Variants in GRIP1 observed in about 807,000 individuals in gnomAD.
The protein encoded by GRIP1 is glutamate receptor-interacting protein 1.
GRIP1 carries 45 observed loss-of-function variants against 129.9 expected under a neutral mutation model. The ratio of observed to expected loss-of-function variants is 0.35; its 90% CI spans 0.27 to 0.44. GRIP1 has a LOEUF of 0.44. GRIP1 is among the 20% of genes least tolerant of loss of function. GRIP1 has a pLI of 1.00. For missense variants in GRIP1, 1,196 were observed against 1,396.8 expected, an observed-to-expected ratio of 0.86 and a Z score of 2.29; for synonymous variants, 530 against 520.8, an observed-to-expected ratio of 1.02 and a Z score of -0.24.
intron 2 of GRIP1, among the ~76,000 whole-genome samples, chr12:66,545,140 ACTTTTTC>A (rs1418980631): frequency 6.6e-6 from 1 of 152,146 alleles, no homozygotes; most frequent in Non-Finnish European, 1.5e-5. Context: ...TCTGAATTTG[ACTTTTTC>A]CTTAATCACC....
intron 7 of GRIP1, among the ~76,000 whole-genome samples, chr12:66,506,334 C>A (rs922818110): frequency 5.3e-5 from 8 of 152,124 alleles, no homozygotes; most frequent in African/African-American, 1.9e-4. Flanking sequence ...TCTATTCACA[C>A]AATGGAATAC....
chr12:66,358,229 C>A (rs2054585213), intron 23 of GRIP1, among the ~76,000 whole-genome samples: 1 of 152,084 alleles, frequency 6.6e-6, no homozygotes, highest in Admixed American at 6.5e-5. Context: ...CATTATTATT[C>A]TTTTGGATGC....
chr12:67,037,724 G>C (rs980081646), intron 1 of GRIP1, among the ~76,000 whole-genome samples: 2 of 151,914 alleles, frequency 1.3e-5, no homozygotes, highest in Admixed American at 1.3e-4. Context: ...ATTTGTCATG[G>C]GTTATAACCA....
At chr12:66,850,852 C>A (rs1419670848) in intron 1 of GRIP1, among the ~76,000 whole-genome samples, 1 of 151,320 alleles carries the variant, frequency 6.6e-6, no homozygotes, top group Non-Finnish European at 1.5e-5. Flanking sequence ...ATGAATGTGA[C>A]CTCTCTCCTG....
At chr12:66,434,354 C>A (rs2058238565) in intron 13 of GRIP1, among the ~76,000 whole-genome samples, 5 of 152,154 alleles carry the variant, frequency 3.3e-5, no homozygotes, top group Admixed American at 3.3e-4. Flanking sequence ...CCTCCCTCGA[C>A]CAAGTGAGTG....
intron 1 of GRIP1, among the ~76,000 whole-genome samples, chr12:66,700,247 T>C (rs550046376): frequency 6.6e-6 from 1 of 152,064 alleles, no homozygotes; most frequent in South Asian, 2.1e-4. Flanking sequence ...TGAGGCATGG[T>C]GTGATGTATG....
At chr12:66,590,144 T>A (rs190601705) in intron 2 of GRIP1, among the ~76,000 whole-genome samples, 1 of 152,298 alleles carries the variant, frequency 6.6e-6, no homozygotes, top group Non-Finnish European at 1.5e-5. Context: ...CACATGTACC[T>A]GGAGCACAAC....
rs1383006672 is a variant in GRIP1, at chr12:66,445,411, C to G, written c.1452G>C (p.Gly484=). The change falls in exon 12 of 25, where the codon GGG becomes GGC. Residue 484 remains glycine, a synonymous_variant. Coordinates refer to ENST00000359742, the MANE Select transcript of GRIP1 (RefSeq NM_001366722.1). ...CAAACACACTGCCCTGCAGTTGGAT[C>G]CCAAATCCTGTGACAGGATCTGCCG... ...VLTADPVTGF[G]IQLQGSVFAT... The G allele has an allele frequency of 6.2e-7, 1 of 1,614,130 alleles. No homozygotes were observed. Among genetic ancestry groups the G allele is most frequent in the East Asian group, 2.2e-5 (1 of 44,884 alleles).
intron 1 of GRIP1, among the ~76,000 whole-genome samples, chr12:66,726,284 A>T (rs1010021813): frequency 2.0e-5 from 3 of 152,232 alleles, no homozygotes; most frequent in African/African-American, 7.2e-5. Context: ...ATGAATAAAG[A>T]TCAAACTATT....
At position 66,456,311 on chromosome 12, in the gene GRIP1, G is replaced by A; in HGVS notation, c.1074C>T (p.Thr358=). 6 of 1,289,564 alleles carry A rather than the reference G, an allele frequency of 4.7e-6. No homozygotes were observed. The highest frequency in any genetic ancestry group is 6.1e-6 in the Non-Finnish European group (6 of 988,516). The allele number at this position is 1,289,564 out of a possible 1,614,324, so 79.9% of individuals were successfully genotyped here. Residue 358 remains threonine, a synonymous_variant, in exon 10 of 25, where the codon ACC becomes ACT. Coordinates refer to ENST00000359742, the MANE Select transcript of GRIP1 (RefSeq NM_001366722.1). ...VKIQRSDRQL[T]WDSWASNHSS... is the part of the protein sequence containing the mutation. ...TGTGGTTGCTGGCCCAGGAATCCCA[G>A]GTAAGTTGCCTGTCGCTCCTCTGAA...
chr12:67,037,393 AT>A (rs2135798728), intron 1 of GRIP1: 1 of 149,388 alleles, frequency 6.7e-6, no homozygotes, highest in African/African-American at 2.4e-5. Flanking sequence ...ACATAATGTA[AT>A]CTTCCTTTGG....
Position 66,465,324 on chromosome 12 carries a change from T to C in GRIP1, c.823A>G (p.Lys275Glu), listed in dbSNP as rs2059256929. 6.2e-7 allele frequency: 1 copy of C among 1,614,008 alleles called. No homozygotes were observed. The highest frequency in any genetic ancestry group is 8.5e-7 in the Non-Finnish European group (1 of 1,179,848). Residue 275 changes from lysine (K) to glutamate (E), a missense_variant, in exon 8 of 25, where the codon AAA becomes GAA. Coordinates refer to ENST00000359742, the MANE Select transcript of GRIP1 (RefSeq NM_001366722.1). ...ATTTTGTCTATGACAATGACTTGTT[T>C]GTTACAGCACATCGAGGTAGTTAGG... Reference protein sequence around the residue: ...VALTTSMCCNKQVIVIDKIKS... With the variant: ...VALTTSMCCNEQVIVIDKIKS...
chr12:66,943,792 A>C (rs924358037), intron 1 of GRIP1, among the ~76,000 whole-genome samples: 2 of 152,210 alleles, frequency 1.3e-5, no homozygotes, highest in African/African-American at 4.8e-5. Context: ...GTAACTAAGA[A>C]TGTACTAAAA....
chr12:66,883,829 G>A (rs971530232), intron 1 of GRIP1, among the ~76,000 whole-genome samples: 1 of 152,194 alleles, frequency 6.6e-6, no homozygotes, highest in African/African-American at 2.4e-5. Context: ...TGGGACCTTG[G>A]TCAAGTTGTT....
At chr12:66,935,848 G>T (rs1220112973) in intron 1 of GRIP1, among the ~76,000 whole-genome samples, 1 of 152,162 alleles carries the variant, frequency 6.6e-6, no homozygotes, top group South Asian at 2.1e-4. Context: ...TATGGCTGCT[G>T]GGATTGGCCA....
chr12:66,587,799 C>T (rs912083374), intron 2 of GRIP1, among the ~76,000 whole-genome samples: 2 of 152,226 alleles, frequency 1.3e-5, no homozygotes, highest in South Asian at 2.1e-4. Flanking sequence ...GTTTACATTC[C>T]GTGCAGAAGG....
At chr12:66,701,211 C>A (rs2035340193) in intron 1 of GRIP1, among the ~76,000 whole-genome samples, 1 of 152,158 alleles carries the variant, frequency 6.6e-6, no homozygotes, top group Non-Finnish European at 1.5e-5. Context: ...CCAAAGTGTT[C>A]TTCTGGGACT....
chr12:66,392,646 C>T, intron 18 of GRIP1, 31 bp downstream of exon 18: 2 of 1,613,044 alleles, frequency 1.2e-6, no homozygotes, highest in Admixed American at 1.7e-5. Flanking sequence ...CACTGGAAAT[C>T]CTTAATTGTG....
At chr12:67,021,009 G>T (rs1592477148) in intron 1 of GRIP1, among the ~76,000 whole-genome samples, 1 of 152,112 alleles carries the variant, frequency 6.6e-6, no homozygotes, top group East Asian at 2.0e-4. Context: ...GAAAGAGGAA[G>T]ATTGCTTCAG....
Sources: gnomAD v4.1 joint callset for allele counts (sites outside exome capture counted in the v4.1 genomes callset) on GRCh38, gnomAD v4.1.1 for gene constraint, MANE v1.5 for transcripts, NCBI Gene and HGNC (gene_info 2026-07-23, HGNC 2026-07-21) for gene names.